LINGO2: variants seen among roughly 807,000 people sequenced by gnomAD.
The protein encoded by LINGO2 is leucine-rich repeat and immunoglobulin-like domain-containing nogo receptor-interacting protein 2.
In LINGO2, 14 loss-of-function variants were observed where a neutral mutation model predicts 30.6. The ratio of observed to expected loss-of-function variants is 0.46; its 90% CI spans 0.30 to 0.72. The LOEUF is 0.72. LINGO2 is among the 30% of genes least tolerant of loss of function. The pLI is 0.07. For missense variants in LINGO2, 729 were observed against 751.7 expected (o/e 0.97, Z 0.35); for synonymous variants, 317 against 288.5 (o/e 1.10, Z -1.00).
In LINGO2 at chr9:28,335,427, A is replaced by G. The variant is rs906224569; in HGVS notation, c.-246+37409T>C. On this transcript the variant is annotated intron_variant, in intron 3 of 5. Coordinates refer to ENST00000379992, the Ensembl canonical transcript of LINGO2. Reference sequence around the variant, plus strand: ...TAATCATCTGTTACATGTGAAAAACATACCCAAATTTCATATTCTACTGCA... The same window carrying G: ...TAATCATCTGTTACATGTGAAAAACGTACCCAAATTTCATATTCTACTGCA... 7.2e-5 allele frequency among the ~76,000 whole-genome samples: 11 copies of G among 152,172 alleles called. No individual in the cohort carries two copies. The East Asian group carries it at 2.1e-3, about 29-fold the overall frequency.
intron 1 of LINGO2, among the ~76,000 whole-genome samples, chr9:28,617,651 A>G (rs1019735787): frequency 7.9e-5 from 12 of 152,082 alleles, no homozygotes; most frequent in Non-Finnish European, 1.6e-4. Flanking sequence ...GACTACTTAC[A>G]TATGTTCTCA....
At chr9:28,176,734 C>T (rs1828761003) in intron 4 of LINGO2, among the ~76,000 whole-genome samples, 1 of 152,130 alleles carries the variant, frequency 6.6e-6, no homozygotes, top group African/African-American at 2.4e-5. Flanking sequence ...ACACCAAAGA[C>T]TCATCATAAA....
At chr9:28,482,427 G>A (rs552846523) in intron 1 of LINGO2, among the ~76,000 whole-genome samples, 22 of 152,194 alleles carry the variant, frequency 1.4e-4, no homozygotes, top group Admixed American at 6.5e-4. Context: ...GTCTTCTTCT[G>A]AGAAGTGTCT....
At chr9:28,829,455 T>C in the LINGO2 span, among the ~76,000 whole-genome samples, 2 of 152,182 alleles carry the variant, frequency 1.3e-5, no homozygotes, top group Non-Finnish European at 2.9e-5. Context: ...CATTCACAGA[T>C]GGCAAAGCTA....
At chr9:28,784,749 C>T in the LINGO2 span, among the ~76,000 whole-genome samples, 8 of 152,084 alleles carry the variant, frequency 5.3e-5, no homozygotes, top group East Asian at 1.4e-3. Flanking sequence ...GTCAGGAGAT[C>T]GAGACCATCC....
the LINGO2 span, among the ~76,000 whole-genome samples, chr9:28,766,575 T>C: frequency 1.3e-5 from 2 of 152,022 alleles, no homozygotes; most frequent in Non-Finnish European, 2.9e-5. Flanking sequence ...CTCTTCTGAA[T>C]ATGTACCCCA....
chr9:28,752,697 A>C, the LINGO2 span, among the ~76,000 whole-genome samples: 1 of 152,022 alleles, frequency 6.6e-6, no homozygotes, highest in East Asian at 1.9e-4. Context: ...AGAAGTTTGG[A>C]AACATTTTAG....
At chr9:28,217,827 C>CA (rs1276600754) in intron 4 of LINGO2, among the ~76,000 whole-genome samples, 1 of 151,842 alleles carries the variant, frequency 6.6e-6, no homozygotes, top group African/African-American at 2.4e-5. Flanking sequence ...TCAACAACCG[C>CA]AAACATAATA....
chr9:28,550,483 C>G (rs915861033), intron 1 of LINGO2, among the ~76,000 whole-genome samples: 1 of 151,660 alleles, frequency 6.6e-6, no homozygotes, highest in African/African-American at 2.4e-5. Context: ...CTTCTTTTGT[C>G]TACTTTTAAT....
chr9:28,371,324 T>C lies in LINGO2; in HGVS notation c.-246+1512A>G, dbSNP rs117875855. Among the ~76,000 whole-genome samples, 979 of 152,288 alleles carry C rather than the reference T, an allele frequency of 6.4e-3. 4 individuals are homozygous for C. Among genetic ancestry groups the C allele is most frequent in the Non-Finnish European group, 0.01 (711 of 68,024 alleles). On this transcript the variant is annotated intron_variant, in intron 3 of 5. Transcript: ENST00000379992. ...CTTTAACAAAATACCATCAATTTAG[T>C]GCATTGAAACAACAGAAATGTATGT...
chr9:29,212,068 T>A, the LINGO2 span, among the ~76,000 whole-genome samples: 152,000 of 152,292 alleles, frequency 1, 75,854 homozygotes, highest in Middle Eastern at 1. Context: ...GAAAGGAGAG[T>A]GGAGGAGAAA....
At chr9:28,546,243 A>ATT (rs1303002459) in intron 1 of LINGO2, among the ~76,000 whole-genome samples, 1 of 152,022 alleles carries the variant, frequency 6.6e-6, no homozygotes, top group African/African-American at 2.4e-5. Context: ...TTCCTCACCC[A>ATT]TCATAAGGAT....
At chr9:28,026,928 G>A (rs1438122501) in intron 4 of LINGO2, among the ~76,000 whole-genome samples, 1 of 152,110 alleles carries the variant, frequency 6.6e-6, no homozygotes, top group Admixed American at 6.5e-5. Context: ...TAGATCTCCT[G>A]TGTGTGTTGC....
the LINGO2 span, among the ~76,000 whole-genome samples, chr9:28,978,731 A>G: frequency 6.6e-6 from 1 of 151,964 alleles, no homozygotes; most frequent in South Asian, 2.1e-4. Flanking sequence ...GCCAAGCATT[A>G]CAACTGAGTC....
chr9:28,951,731 T>C, the LINGO2 span, among the ~76,000 whole-genome samples: 310 of 152,178 alleles, frequency 2.0e-3, no homozygotes, highest in African/African-American at 7.1e-3. Context: ...AGCTTTTCAT[T>C]TCGTTCCCCA....
At position 28,139,475 on chromosome 9, in the gene LINGO2, G is replaced by A. The variant is rs904142522; in HGVS notation, c.-86-127070C>T. ...GCCTGGTATATCAGCTACATTCCTG[G>A]ATATTCACTGGGGCACAAATGTAGA... On this transcript the variant is annotated intron_variant, in intron 4 of 5. Coordinates refer to ENST00000379992, the Ensembl canonical transcript of LINGO2. Among the ~76,000 whole-genome samples, 5 of 152,062 alleles carry A rather than the reference G, an allele frequency of 3.3e-5. 1 individual carries two copies. The highest frequency in any genetic ancestry group is 7.4e-5 in the Non-Finnish European group (5 of 68,018).
Position 28,357,327 on chromosome 9 carries a change from C to G in LINGO2, c.-246+15509G>C, listed in dbSNP as rs200947412. Among the ~76,000 whole-genome samples the G allele has an allele frequency of 1.4e-5, 2 of 139,610 alleles. 1 individual carries two copies. The highest frequency in any genetic ancestry group is 3.1e-5 in the Non-Finnish European group (2 of 64,326). The allele number at this position is 139,610 out of a possible 152,430, so 91.6% of individuals were successfully genotyped here. On this transcript the variant is annotated intron_variant, in intron 3 of 5. Transcript: ENST00000379992. ...ATACAGAAATAAAGCCCACCCCCCCCAAAAAAGAAAGCACCAATACTTCTT... is the reference window on the plus strand; with the variant it reads ...ATACAGAAATAAAGCCCACCCCCCCGAAAAAAGAAAGCACCAATACTTCTT...
intron 1 of LINGO2, among the ~76,000 whole-genome samples, chr9:28,604,886 A>C (rs1825636468): frequency 6.6e-6 from 1 of 152,066 alleles, no homozygotes; most frequent in Non-Finnish European, 1.5e-5. Flanking sequence ...CACTTTCTAC[A>C]TGTGCAAGAC....
chr9:28,751,185 G>A, the LINGO2 span, among the ~76,000 whole-genome samples: 1 of 151,100 alleles, frequency 6.6e-6, no homozygotes, highest in African/African-American at 2.4e-5. Flanking sequence ...CAGCTAGTCT[G>A]GAGGCTGAGA....
Sources: allele counts gnomAD v4.1 joint callset (sites outside exome capture counted in the v4.1 genomes callset), GRCh38; gene constraint gnomAD v4.1.1; transcripts MANE v1.5; gene names NCBI Gene and HGNC (gene_info 2026-07-23, HGNC 2026-07-21).